The following UST variants were observed in gnomAD, a reference collection of about 807,000 sequenced individuals.
UST encodes the protein uronyl 2-sulfotransferase, also known as chondroitin sulfate 2-O-sulfotransferase.
UST carries 21 observed loss-of-function variants against 45.6 expected under a neutral mutation model. The observed-to-expected ratio is 0.46, with a 90% CI of 0.33 to 0.66. UST has a LOEUF of 0.66. Ranked by LOEUF, UST falls within the 30% of genes least tolerant of loss-of-function variation. The pLI is 0.02. For synonymous variants in UST, 215 were observed against 200.6 expected (o/e 1.07, Z -0.61); for missense variants, 463 against 512.4 (o/e 0.90, Z 0.93).
chr6:148,796,088 C>T (rs1181267424), intron 1 of UST, among the ~76,000 whole-genome samples: 1 of 152,160 alleles, frequency 6.6e-6, no homozygotes, highest in Non-Finnish European at 1.5e-5. Context: ...GGGCAGACTG[C>T]TCCCATGTGG....
intron 2 of UST, among the ~76,000 whole-genome samples, chr6:148,899,092 C>CTTTTTTT (rs3075093): frequency 2.7e-4 from 18 of 65,578 alleles, no homozygotes; most frequent in African/African-American, 1.0e-3. Flanking sequence ...CTACCTAATC[C>CTTTTTTT]TTTTTTTTTT....
chr6:148,864,557 G>A (rs1778388369), intron 1 of UST, among the ~76,000 whole-genome samples: 1 of 152,216 alleles, frequency 6.6e-6, no homozygotes, highest in Admixed American at 6.5e-5. Context: ...TGGAAATGCA[G>A]AAATCACCCG....
In UST at chr6:148,750,322, C is replaced by T. The variant is rs145222764; in HGVS notation, c.247+2645C>T. ...ATCAAACAGGTAGTGTGATATTTAA[C>T]GTACTGAATATTCTCATAGGAAAGC... On this transcript the variant is annotated intron_variant, in intron 1 of 7. Transcript: ENST00000367463. Among the ~76,000 whole-genome samples the T allele has an allele frequency of 1.3e-3, 202 of 152,240 alleles. 1 individual carries two copies. The highest frequency in any genetic ancestry group is 4.5e-3 in the African/African-American group (189 of 41,550).
intron 2 of UST, among the ~76,000 whole-genome samples, chr6:148,926,923 A>G (rs1482419568): frequency 6.6e-6 from 1 of 150,712 alleles, no homozygotes; most frequent in Non-Finnish European, 1.5e-5. Context: ...AATATTCTAT[A>G]TAGTTAGTAA....
chr6:149,013,217 C>T (rs926414523), intron 5 of UST, among the ~76,000 whole-genome samples: 20 of 152,186 alleles, frequency 1.3e-4, no homozygotes, highest in African/African-American at 4.8e-4. Context: ...TAAGAAATTA[C>T]AGCCTTTTCT....
intron 1 of UST, among the ~76,000 whole-genome samples, chr6:148,876,997 T>C (rs1416151490): frequency 3.4e-5 from 1 of 29,338 alleles, no homozygotes; most frequent in South Asian, 1.8e-3. Context: ...TGGGGGGTCA[T>C]ATATGAGTTG....
At chr6:148,802,073 A>G (rs1341952818) in intron 1 of UST, among the ~76,000 whole-genome samples, 1 of 152,228 alleles carries the variant, frequency 6.6e-6, no homozygotes, top group Non-Finnish European at 1.5e-5. Flanking sequence ...CATTGTGAAA[A>G]CAGCCTGTAG....
At chr6:148,798,931 G>A (rs1777001838) in intron 1 of UST, among the ~76,000 whole-genome samples, 2 of 152,104 alleles carry the variant, frequency 1.3e-5, no homozygotes, top group African/African-American at 4.8e-5. Context: ...GTGCAGTGGT[G>A]CGAGCTCGGC....
At chr6:148,796,433 G>A (rs1776949136) in intron 1 of UST, among the ~76,000 whole-genome samples, 2 of 152,162 alleles carry the variant, frequency 1.3e-5, no homozygotes, top group African/African-American at 2.4e-5. Flanking sequence ...AGACCAGCCT[G>A]GCCAGCATGG....
intron 1 of UST, among the ~76,000 whole-genome samples, chr6:148,781,447 A>G (rs1474063119): frequency 6.6e-6 from 1 of 152,206 alleles, no homozygotes. Flanking sequence ...GCAGAAGAAA[A>G]GTTGGAAGCT....
At chr6:148,819,848 A>T (rs1315530890) in intron 1 of UST, among the ~76,000 whole-genome samples, 2 of 152,214 alleles carry the variant, frequency 1.3e-5, no homozygotes, top group African/African-American at 4.8e-5. Context: ...AGTTCTGGTT[A>T]AGAGTAGCCT....
intron 1 of UST, among the ~76,000 whole-genome samples, chr6:148,866,228 C>T (rs1305883228): frequency 2.0e-5 from 3 of 147,154 alleles, no homozygotes; most frequent in Admixed American, 6.8e-5. Context: ...AGAAAACCTA[C>T]GATGAGCTCC....
chr6:149,054,643 A>G (rs80031038), intron 7 of UST, among the ~76,000 whole-genome samples: 5,766 of 152,276 alleles, frequency 0.038, 377 homozygotes, highest in African/African-American at 0.13. Flanking sequence ...CAGGAAAGAC[A>G]AGAGTGAGGT....
intron 1 of UST, among the ~76,000 whole-genome samples, chr6:148,865,353 C>T (rs747831483): frequency 3.9e-5 from 6 of 152,088 alleles, no homozygotes; most frequent in Non-Finnish European, 7.3e-5. Flanking sequence ...ATGGGGTCAC[C>T]GTGTTTAAAG....
chr6:148,993,652 G>A (rs942969470), intron 5 of UST, among the ~76,000 whole-genome samples: 11 of 152,106 alleles, frequency 7.2e-5, no homozygotes, highest in Admixed American at 1.3e-4. Context: ...GATCATTGAC[G>A]CAAATTTTTC....
chr6:148,877,085 G>A (rs1778673790), intron 1 of UST, among the ~76,000 whole-genome samples: 1 of 54,300 alleles, frequency 1.8e-5, no homozygotes, highest in African/African-American at 7.8e-5. Context: ...GTATTATTGT[G>A]GGGGTCGTGT....
intron 1 of UST, among the ~76,000 whole-genome samples, chr6:148,780,019 G>C (rs1018281704): frequency 6.6e-6 from 1 of 151,734 alleles, no homozygotes; most frequent in Non-Finnish European, 1.5e-5. Context: ...CTGAGTTATA[G>C]ATCAGTGAGG....
intron 4 of UST, among the ~76,000 whole-genome samples, chr6:148,962,548 T>A (rs1339492185): frequency 6.6e-6 from 1 of 152,194 alleles, no homozygotes; most frequent in Non-Finnish European, 1.5e-5. Flanking sequence ...CAATTTAATT[T>A]TAAAAGGGGG....
chr6:148,998,483 C>T (rs1013162419), intron 5 of UST, among the ~76,000 whole-genome samples: 2 of 152,200 alleles, frequency 1.3e-5, no homozygotes, highest in Non-Finnish European at 2.9e-5. Flanking sequence ...TCTGGTATTA[C>T]ATGCAGAGCA....
Sources: gnomAD v4.1 joint callset for allele counts (sites outside exome capture counted in the v4.1 genomes callset) on GRCh38, gnomAD v4.1.1 for gene constraint, MANE v1.5 for transcripts, NCBI Gene and HGNC (gene_info 2026-07-23, HGNC 2026-07-21) for gene names.